The following TMED7 variants were observed in gnomAD, a reference collection of about 807,000 sequenced individuals.
TMED7 encodes the protein transmembrane p24 trafficking protein 7, also known as transmembrane emp24 domain-containing protein 7.
TMED7 carries 8 observed loss-of-function variants against 23.4 expected under a neutral mutation model. The observed-to-expected ratio is 0.34, with a 90% confidence interval of 0.20 to 0.62. The LOEUF (loss-of-function observed/expected upper bound fraction) is 0.62. Ranked by LOEUF, TMED7 falls within the 20% of genes least tolerant of loss-of-function variation. The pLI, the probability that TMED7 is intolerant of heterozygous loss-of-function variation, is 0.77. For missense variants in TMED7, 232 were observed against 279.1 expected (o/e 0.83, Z 1.20); for synonymous variants, 121 against 108.5 (o/e 1.12, Z -0.72).
rs991577285 is a variant in TMED7, at chr5:115,625,770, T to C, written c.23A>G (p.Gln8Arg). The change falls in exon 1 of 3, where the codon CAG (glutamine) becomes CGG (arginine). Residue 8 changes from glutamine (Q) to arginine (R), a missense_variant. By Grantham distance (43) the Gln-to-Arg change is conservative. This residue lies in a region of TMED7 where 106 missense variants were observed against 97.0 expected (regional missense o/e 1.09). Transcript: ENST00000456936. ...ACGGCCCGCGACGGCCGCCCAGCGC[T>C]GCGCGGACCCCGGCCGCGGCATCCC... MPRPGSA[Q>R]RWAAVAGRWG... The C allele has an allele frequency of 9.5e-6, 14 of 1,479,242 alleles. No homozygotes were observed. Among genetic ancestry groups the C allele is most frequent in the Middle Eastern group, 2.0e-4 (1 of 4,974 alleles). 91.6% of individuals were successfully genotyped at this position (1,479,242 alleles called of 1,614,324 possible). A position where few individuals can be genotyped will look rare whatever the true frequency, so the allele number is the denominator to read the frequency against.
chr5:115,619,899 T>C (rs981821015), intron 2 of TMED7, among the ~76,000 whole-genome samples: 12 of 152,214 alleles, frequency 7.9e-5, no homozygotes, highest in African/African-American at 2.2e-4. Flanking sequence ...AATCTGAATT[T>C]AGCTTTTGTA....
In TMED7 at chr5:115,614,000, A is replaced by G. The variant is rs1019691588; in HGVS notation, c.*2209T>C. Reference sequence around the variant, plus strand: ...TCTGAGCCATTATGTTCAAACATAAATATCTGGGAAATTCAAACTGCTGCA... The same window carrying G: ...TCTGAGCCATTATGTTCAAACATAAGTATCTGGGAAATTCAAACTGCTGCA... On this transcript the variant is annotated 3_prime_UTR_variant, in exon 3 of 3. Coordinates refer to ENST00000456936, the MANE Select transcript of TMED7 (RefSeq NM_181836.6). 1 of 152,550 alleles carries G rather than the reference A, an allele frequency of 6.6e-6. No individual in the cohort carries two copies. Among genetic ancestry groups the G allele is most frequent in the African/African-American group, 2.4e-5 (1 of 41,468 alleles). The allele number at this position is 152,550 out of a possible 1,614,324, so 9.4% of individuals were successfully genotyped here. A position where few individuals can be genotyped will look rare whatever the true frequency, so the allele number is the denominator to read the frequency against.
rs1756729212 is a variant in TMED7, at chr5:115,616,134, G to T, written c.*75C>A. On this transcript the variant is annotated 3_prime_UTR_variant, in exon 3 of 3. Coordinates refer to ENST00000456936, the MANE Select transcript of TMED7 (RefSeq NM_181836.6). ...GATTTAAAAATGTTGCCAATATTAA[G>T]TTCTTCAGTACCTAAAATTAATTAG... The T allele has an allele frequency of 7.1e-7, 1 of 1,404,952 alleles. No individual in the cohort carries two copies. The highest frequency in any genetic ancestry group is 1.4e-5 in the African/African-American group (1 of 69,882). The allele number at this position is 1,404,952 out of a possible 1,614,324, so 87.0% of individuals were successfully genotyped here. A position where few individuals can be genotyped will look rare whatever the true frequency, so the allele number is the denominator to read the frequency against.
At position 115,625,748 on chromosome 5, in the gene TMED7, G is replaced by A; in HGVS notation, c.45C>T (p.Gly15=). 4 of 1,544,556 alleles carry A rather than the reference G, an allele frequency of 2.6e-6. No homozygotes were observed. Among genetic ancestry groups the A allele is most frequent in the Non-Finnish European group, 3.5e-6 (4 of 1,147,806 alleles). ...GTGCGAGCAGCCTGCACCCCCAACG[G>A]CCCGCGACGGCCGCCCAGCGCTGCG... The part of the protein sequence containing the change: ...GSAQRWAAVA[G]RWGCRLLALL... Residue 15 remains glycine (G), a synonymous_variant, in exon 1 of 3, where the codon GGC becomes GGT. Transcript: ENST00000456936.
At chr5:115,619,421 TTAAGA>T (rs1756936060) in intron 2 of TMED7, among the ~76,000 whole-genome samples, 1 of 152,168 alleles carries the variant, frequency 6.6e-6, no homozygotes, top group Admixed American at 6.5e-5. Context: ...AAATACCAGT[TTAAGA>T]TGTTAACGAA....
At chr5:115,622,798 CCT>C (rs773477733) in intron 1 of TMED7, among the ~76,000 whole-genome samples, 1 of 152,158 alleles carries the variant, frequency 6.6e-6, no homozygotes, top group Non-Finnish European at 1.5e-5. Flanking sequence ...AGCTTCAGAA[CCT>C]CTTTTATTCA....
At chr5:115,623,544 T>C (rs1757106221) in intron 1 of TMED7, among the ~76,000 whole-genome samples, 2 of 152,238 alleles carry the variant, frequency 1.3e-5, no homozygotes, top group Admixed American at 1.3e-4. Context: ...TTGTGACTAT[T>C]AATAAATATA....
At chr5:115,617,146 A>G (rs933941425) in intron 2 of TMED7, among the ~76,000 whole-genome samples, 71 of 152,292 alleles carry the variant, frequency 4.7e-4, no homozygotes, top group African/African-American at 1.7e-3. Flanking sequence ...TTGCCTTTTT[A>G]TACATTTATT....
chr5:115,621,435 C>G (rs1246849722), intron 1 of TMED7, among the ~76,000 whole-genome samples: 1 of 151,992 alleles, frequency 6.6e-6, no homozygotes, highest in Non-Finnish European at 1.5e-5. Flanking sequence ...TGTTGAAACT[C>G]TTGTGATTAA....
In TMED7 at chr5:115,616,183, A is replaced by C. The variant is rs1206541208; in HGVS notation, c.*26T>G. ...AGAGGACAGCAATATTACAGTGGCA[A>C]TGGTGCATCAATTCTCAAAACGTAG... On this transcript the variant is annotated 3_prime_UTR_variant, in exon 3 of 3. Coordinates refer to ENST00000456936, the MANE Select transcript of TMED7 (RefSeq NM_181836.6). The C allele has an allele frequency of 3.1e-6, 5 of 1,601,182 alleles. No homozygotes were observed. The Admixed American group carries it at 8.3e-5, about 27-fold the overall frequency.
At chr5:115,616,581 T>G in intron 2 of TMED7, 136 bp from the exon 3 acceptor site, 3 of 1,290,082 alleles carry the variant, frequency 2.3e-6, no homozygotes, top group Non-Finnish European at 3.2e-6. Flanking sequence ...ATTCATACAT[T>G]TATGCCAGTT....
At chr5:115,624,924 C>T (rs1229669743) in intron 1 of TMED7, among the ~76,000 whole-genome samples, 1 of 152,164 alleles carries the variant, frequency 6.6e-6, no homozygotes, top group African/African-American at 2.4e-5. Context: ...CTGTTTCGAC[C>T]ACTTCTGTAC....
chr5:115,617,906 GC>G (rs1184426664), intron 2 of TMED7, among the ~76,000 whole-genome samples: 2 of 152,182 alleles, frequency 1.3e-5, no homozygotes, highest in Middle Eastern at 3.2e-3. Flanking sequence ...TGATTCTCCT[GC>G]CTCAGCCTCC....
At chr5:115,618,310 T>C (rs995546759) in intron 2 of TMED7, among the ~76,000 whole-genome samples, 2 of 152,220 alleles carry the variant, frequency 1.3e-5, no homozygotes, top group Non-Finnish European at 2.9e-5. Context: ...ATAACACTTT[T>C]TAAAAACATA....
In TMED7 at chr5:115,625,886, C is replaced by A. The variant is rs1757200005; in HGVS notation, c.-94G>T. The A allele has an allele frequency of 7.6e-7, 1 of 1,313,576 alleles. No homozygotes were observed. 81.4% of individuals were successfully genotyped at this position (1,313,576 alleles called of 1,614,324 possible). A position where few individuals can be genotyped will look rare whatever the true frequency, so the allele number is the denominator to read the frequency against. On this transcript the variant is annotated 5_prime_UTR_variant, in exon 1 of 3. Transcript: ENST00000456936. ...GCGCGGCAGGCCTCAGCGCAGGCCA[C>A]CCCGCAAAGATACACAGCAGAGCAG...
At chr5:115,618,393 C>T (rs1435230818) in intron 2 of TMED7, among the ~76,000 whole-genome samples, 1 of 152,168 alleles carries the variant, frequency 6.6e-6, no homozygotes, top group African/African-American at 2.4e-5. Flanking sequence ...GTTCAAATTT[C>T]CCCTATTGTT....
Position 115,620,578 on chromosome 5 carries a change from T to C in TMED7, c.295A>G (p.Thr99Ala), listed in dbSNP as rs1756993873. The C allele has an allele frequency of 6.2e-7, 1 of 1,607,212 alleles. No individual in the cohort carries two copies. The highest frequency in any genetic ancestry group is 8.5e-7 in the Non-Finnish European group (1 of 1,177,520). The change falls in exon 2 of 3, where the codon ACA becomes GCA. Residue 99 changes from threonine to alanine, a missense_variant. By Grantham distance (58) the Thr-to-Ala change is moderately conservative. Coordinates refer to ENST00000456936, the MANE Select transcript of TMED7 (RefSeq NM_181836.6). ...MKKQYDSFTF[T>A]ASKNGTYKFC... ...TTGTATGTCCCATTTTTGGAGGCTGTGAAGGTAAAACTATCATACTGTTTC... is the reference window on the plus strand; with the variant it reads ...TTGTATGTCCCATTTTTGGAGGCTGCGAAGGTAAAACTATCATACTGTTTC...
intron 2 of TMED7, among the ~76,000 whole-genome samples, chr5:115,617,060 A>G (rs530999377): frequency 1.3e-5 from 2 of 152,324 alleles, no homozygotes; most frequent in South Asian, 2.1e-4. Flanking sequence ...AACTAAACCA[A>G]TATGTATGTT....
chr5:115,619,709 G>A lies in TMED7; in HGVS notation c.438+726C>T, dbSNP rs1168689103. On this transcript the variant is annotated intron_variant, in intron 2 of 2. Coordinates refer to ENST00000456936, the MANE Select transcript of TMED7 (RefSeq NM_181836.6). ...TATGATATTTTCAATGATGTGTCAT[G>A]AGATCAGATGTAACAATCTTCCACT... Among the ~76,000 whole-genome samples the A allele has an allele frequency of 4.6e-5, 7 of 152,238 alleles. No individual in the cohort carries two copies. In the East Asian group the frequency reaches 1.3e-3, roughly 29 times the overall value.
Sources: gnomAD v4.1 joint callset for allele counts (sites outside exome capture counted in the v4.1 genomes callset) on GRCh38, gnomAD v4.1.1 for gene constraint, gnomAD v4.1.1 regional missense constraint, MANE v1.5 for transcripts, NCBI Gene and HGNC (gene_info 2026-07-23, HGNC 2026-07-21) for gene names.